OR10A2: variants seen among roughly 807,000 people sequenced by gnomAD.
OR10A2 encodes the protein olfactory receptor 10A2.
OR10A2 carries 15 observed loss-of-function variants against 13.7 expected under a neutral mutation model. The ratio of observed to expected loss-of-function variants is 1.10; its 90% CI spans 0.73 to 1.69. The LOEUF (loss-of-function observed/expected upper bound fraction) is 1.69. Among genes scored for constraint, OR10A2 ranks in the 40% most tolerant of loss-of-function variants. The pLI is 0.00. For synonymous variants in OR10A2, 145 were observed against 144.7 expected (o/e 1.00, Z -0.02); for missense variants, 343 against 361.1 (o/e 0.95, Z 0.41).
At position 6,870,272 on chromosome 11, in the gene OR10A2, G is replaced by A. The variant is rs770416739; in HGVS notation, c.518G>A (p.Arg173Lys). The A allele has an allele frequency of 1.8e-5, 29 of 1,614,088 alleles. No homozygotes were observed. The Middle Eastern group carries it at 9.9e-4, about 55-fold the overall frequency. The change falls in exon 2 of 2, where the codon AGG becomes AAG. Residue 173 changes from arginine (R) to lysine (K), a missense_variant. Coordinates refer to ENST00000641461, the MANE Select transcript of OR10A2 (RefSeq NM_001004460.2). ...HFFCDSPPVLRLVCADTALFE... is the reference protein window; with the variant it reads ...HFFCDSPPVLKLVCADTALFE... ...TTCTGTGACAGCCCACCTGTGCTGA[G>A]GCTGGTCTGTGCAGACACAGCACTC...
At chr11:6,869,035 T>TCCAACAAAGC (rs1848402277) in intron 1 of OR10A2, among the ~76,000 whole-genome samples, 1 of 152,262 alleles carries the variant, frequency 6.6e-6, no homozygotes, top group Non-Finnish European at 1.5e-5. Context: ...AAGCATGATT[T>TCCAACAAAGC]AGTAAAAATC....
At position 6,873,187 on chromosome 11, in the gene OR10A2, T is replaced by C. The variant is rs1469402463; in HGVS notation, c.*2521T>C. 6.6e-6 allele frequency: 1 copy of C among 152,176 alleles called. No homozygotes were observed. Among genetic ancestry groups the C allele is most frequent in the East Asian group, 1.9e-4 (1 of 5,192 alleles). 9.4% of individuals were successfully genotyped at this position (152,176 alleles called of 1,614,324 possible). A position where few individuals can be genotyped will look rare whatever the true frequency, so the allele number is the denominator to read the frequency against. On this transcript the variant is annotated 3_prime_UTR_variant, in exon 2 of 2. Transcript: ENST00000641461. ...GCAAACCTTTACATTAAAAATATTA[T>C]GGGGAAGTAGGGCTAGGGTTAGGGC...
intron 1 of OR10A2, among the ~76,000 whole-genome samples, chr11:6,863,685 C>T (rs940295118): frequency 2.6e-5 from 4 of 152,172 alleles, no homozygotes; most frequent in East Asian, 3.9e-4. Flanking sequence ...TCTTGATTTT[C>T]GTCTAAGTAA....
intron 1 of OR10A2, among the ~76,000 whole-genome samples, chr11:6,869,275 C>A (rs1187765455): frequency 2.6e-5 from 4 of 152,304 alleles, no homozygotes; most frequent in Admixed American, 1.3e-4. Context: ...TATATGCATT[C>A]TTCATGATAG....
chr11:6,868,696 T>G (rs1477060491), intron 1 of OR10A2, among the ~76,000 whole-genome samples: 1 of 152,132 alleles, frequency 6.6e-6, no homozygotes, highest in East Asian at 1.9e-4. Context: ...AACCAGAGTT[T>G]GCTAACCACA....
chr11:6,863,409 G>A (rs1183063961), intron 1 of OR10A2, 58 bp downstream of exon 1: 2 of 127,216 alleles, frequency 1.6e-5, no homozygotes, highest in African/African-American at 6.2e-5. Flanking sequence ...ATCTACCAGA[G>A]GCCACTCTCC....
In OR10A2 at chr11:6,864,069, G is replaced by T. The variant is rs145582014; in HGVS notation, c.-133+718G>T. Among the ~76,000 whole-genome samples, 784 of 152,230 alleles carry T rather than the reference G, an allele frequency of 5.2e-3. 6 individuals are homozygous for T. Among genetic ancestry groups the T allele is most frequent in the African/African-American group, 0.018 (732 of 41,530 alleles). ...TGTGGCCAGGGAAGCCAAAAGATTG[G>T]ACACCCCTGTTCTAGAGGAACTGGC... On this transcript the variant is annotated intron_variant, in intron 1 of 1. Transcript: ENST00000641461.
intron 1 of OR10A2, among the ~76,000 whole-genome samples, chr11:6,866,320 T>TACCA (rs1451513076): frequency 6.6e-6 from 1 of 152,240 alleles, no homozygotes. Flanking sequence ...GCAGTGGCTA[T>TACCA]ACCAAGCTTG....
chr11:6,867,870 C>G (rs897538157), intron 1 of OR10A2, among the ~76,000 whole-genome samples: 1 of 152,166 alleles, frequency 6.6e-6, no homozygotes, highest in African/African-American at 2.4e-5. Context: ...CCACCTCAGC[C>G]TCCTGAGTAG....
rs1045934913 is a variant in OR10A2 at position 6,872,748 on chromosome 11, A to G, written c.*2082A>G. 2 of 152,106 alleles carry G rather than the reference A, an allele frequency of 1.3e-5. No homozygotes were observed. Among genetic ancestry groups the G allele is most frequent in the African/African-American group, 4.8e-5 (2 of 41,378 alleles). 9.4% of individuals were successfully genotyped at this position (152,106 alleles called of 1,614,324 possible). On this transcript the variant is annotated 3_prime_UTR_variant, in exon 2 of 2. Coordinates refer to ENST00000641461, the MANE Select transcript of OR10A2 (RefSeq NM_001004460.2). ...AGCAATCCTTCTGCCTGAACCTCTC[A>G]AAGTGCTGGGATTATAAGTGTGAGC...
intron 1 of OR10A2, among the ~76,000 whole-genome samples, chr11:6,864,676 A>G (rs927369552): frequency 3.9e-5 from 6 of 152,214 alleles, no homozygotes; most frequent in African/African-American, 1.4e-4. Context: ...ATGTGCAGGC[A>G]GAAATGATGT....
intron 1 of OR10A2, among the ~76,000 whole-genome samples, chr11:6,865,580 A>G (rs1590017669): frequency 6.6e-6 from 1 of 152,196 alleles, no homozygotes; most frequent in East Asian, 1.9e-4. Context: ...ACAAATATAC[A>G]AAGATTTCAT....
rs572723351 is a variant in OR10A2 at position 6,872,991 on chromosome 11, T to G, written c.*2325T>G. On this transcript the variant is annotated 3_prime_UTR_variant, in exon 2 of 2. Coordinates refer to ENST00000641461, the MANE Select transcript of OR10A2 (RefSeq NM_001004460.2). ...TGCCAAGCCATGCCCAACTAATTTT[T>G]TTTTTGTATTTTTTAGTAGAGATGC... 3 of 151,264 alleles carry G rather than the reference T, an allele frequency of 2.0e-5. No individual in the cohort carries two copies. The East Asian group carries it at 5.9e-4, about 30-fold the overall frequency. The allele number at this position is 151,264 out of a possible 1,614,324, so 9.4% of individuals were successfully genotyped here.
chr11:6,867,281 G>A (rs1848386577), intron 1 of OR10A2, among the ~76,000 whole-genome samples: 1 of 151,716 alleles, frequency 6.6e-6, no homozygotes, highest in Non-Finnish European at 1.5e-5. Context: ...GTGCAGTCTT[G>A]GCTCACTGCA....
In OR10A2 at chr11:6,873,336, T is replaced by C. The variant is rs1590019790; in HGVS notation, c.*2670T>C. The C allele has an allele frequency of 6.6e-6, 1 of 152,228 alleles. No individual in the cohort carries two copies. Among genetic ancestry groups the C allele is most frequent in the East Asian group, 1.9e-4 (1 of 5,194 alleles). The allele number at this position is 152,228 out of a possible 1,614,324, so 9.4% of individuals were successfully genotyped here. ...TGAGGCTGGAGGTTGCCACAGTAGA[T>C]ATTTAAAATATACAACAACAGTAGA... On this transcript the variant is annotated 3_prime_UTR_variant, in exon 2 of 2. Transcript: ENST00000641461.
intron 1 of OR10A2, among the ~76,000 whole-genome samples, chr11:6,866,793 A>G (rs1042281788): frequency 1.3e-5 from 2 of 152,140 alleles, no homozygotes; most frequent in African/African-American, 4.8e-5. Context: ...TCTTTCAGTA[A>G]AATAAAAACA....
Position 6,871,979 on chromosome 11 carries a change from C to A in OR10A2, c.*1313C>A, listed in dbSNP as rs1275047753. 6.6e-6 allele frequency: 1 copy of A among 152,106 alleles called. No individual in the cohort carries two copies. The highest frequency in any genetic ancestry group is 1.9e-4 in the East Asian group (1 of 5,194). 9.4% of individuals were successfully genotyped at this position (152,106 alleles called of 1,614,324 possible). On this transcript the variant is annotated 3_prime_UTR_variant, in exon 2 of 2. Transcript: ENST00000641461. ...TAGCTCCCCTCTGAACTTATTGCAC[C>A]ATTTTATGCTCCCACCAGCAATTTA...
In OR10A2 at chr11:6,870,712, T is replaced by C; in HGVS notation, c.*46T>C. ...ATTTTACTGGATGAGAAACAATCAG[T>C]CCCAGATTTGAGATTCCTCTCTGCA... is the stretch of plus-strand genomic sequence containing the variant. On this transcript the variant is annotated 3_prime_UTR_variant, in exon 2 of 2. Transcript: ENST00000641461. The C allele has an allele frequency of 7.1e-7, 1 of 1,407,918 alleles. No homozygotes were observed. The highest frequency in any genetic ancestry group is 1.4e-5 in the African/African-American group (1 of 69,690). 87.2% of individuals were successfully genotyped at this position (1,407,918 alleles called of 1,614,324 possible).
Position 6,870,877 on chromosome 11 carries a change from T to G in OR10A2, c.*211T>G. ...CTCCTCTGCCTGCCCATTGTAGACT[T>G]ACATTGTTTTCCTTGTTTCAACTGG... On this transcript the variant is annotated 3_prime_UTR_variant, in exon 2 of 2. Transcript: ENST00000641461. 2 of 454,638 alleles carry G rather than the reference T, an allele frequency of 4.4e-6. No individual in the cohort carries two copies. Among genetic ancestry groups the G allele is most frequent in the Non-Finnish European group, 7.7e-6 (2 of 258,390 alleles). 28.2% of individuals were successfully genotyped at this position (454,638 alleles called of 1,614,324 possible). A position where few individuals can be genotyped will look rare whatever the true frequency, so the allele number is the denominator to read the frequency against.
Sources: gnomAD v4.1 joint callset for allele counts (sites outside exome capture counted in the v4.1 genomes callset) on GRCh38, gnomAD v4.1.1 for gene constraint, MANE v1.5 for transcripts, NCBI Gene and HGNC (gene_info 2026-07-23, HGNC 2026-07-21) for gene names.